Variants in PSKH1 observed in about 807,000 individuals in gnomAD.
PSKH1 encodes the protein protein serine kinase H1, also known as serine/threonine-protein kinase H1.
A neutral mutation model predicts 26.7 loss-of-function variants in PSKH1; 12 were observed. That is an observed-to-expected ratio of 0.45 (90% CI 0.29 to 0.73). PSKH1 has a LOEUF of 0.73. PSKH1 is among the 30% of genes least tolerant of loss of function. PSKH1 has a pLI of 0.11. For missense variants in PSKH1, 431 were observed against 595.2 expected, an observed-to-expected ratio of 0.72 and a Z score of 2.87; for synonymous variants, 213 against 234.3, an observed-to-expected ratio of 0.91 and a Z score of 0.83.
intron 1 of PSKH1, among the ~76,000 whole-genome samples, chr16:67,894,725 A>G (rs2058121192): frequency 6.6e-6 from 1 of 152,178 alleles, no homozygotes; most frequent in African/African-American, 2.4e-5. Flanking sequence ...CTCCAGTAGC[A>G]TTTGCTGAAT....
At chr16:67,896,264 A>G (rs2058126178) in intron 1 of PSKH1, among the ~76,000 whole-genome samples, 1 of 151,788 alleles carries the variant, frequency 6.6e-6, no homozygotes. Context: ...GCCTGCCACC[A>G]CACCTGGCTA....
chr16:67,920,511 G>A (rs1480943820), intron 2 of PSKH1, among the ~76,000 whole-genome samples: 6 of 152,018 alleles, frequency 3.9e-5, no homozygotes, highest in African/African-American at 1.5e-4. Context: ...CTCCTGCCTC[G>A]GCCTCCCAAA....
At chr16:67,924,120 G>A (rs1410578251) in intron 2 of PSKH1, among the ~76,000 whole-genome samples, 1 of 152,192 alleles carries the variant, frequency 6.6e-6, no homozygotes, top group East Asian at 1.9e-4. Context: ...ACTTTCCTCT[G>A]TGTACAAGGG....
Position 67,929,492 on chromosome 16 carries a change from C to T in PSKH1, c.*1850C>T, listed in dbSNP as rs980753636. The T allele has an allele frequency of 1.6e-4, 26 of 165,196 alleles. No individual in the cohort carries two copies. The highest frequency in any genetic ancestry group is 2.3e-4 in the Admixed American group (4 of 17,706). 10.2% of individuals were successfully genotyped at this position (165,196 alleles called of 1,614,324 possible). On this transcript the variant is annotated 3_prime_UTR_variant, in exon 3 of 3. Transcript: ENST00000291041. ...ACGTTCTCTCTTGCCCAGGGTGGGC[C>T]TGGTCCTGAGGGCAGGACAGGGGGT...
At chr16:67,898,576 A>T (rs1459889900) in intron 1 of PSKH1, among the ~76,000 whole-genome samples, 1 of 151,612 alleles carries the variant, frequency 6.6e-6, no homozygotes, top group Non-Finnish European at 1.5e-5. Flanking sequence ...TTGAGAAATT[A>T]CTACCTACTT....
intron 1 of PSKH1, among the ~76,000 whole-genome samples, chr16:67,903,840 CTTTTTT>C (rs1241734475): frequency 2.4e-5 from 3 of 125,366 alleles, no homozygotes; most frequent in Non-Finnish European, 5.1e-5. Flanking sequence ...GCACTACACT[CTTTTTT>C]TTTTTTTTTT....
chr16:67,915,068 G>A (rs929204468), intron 2 of PSKH1, among the ~76,000 whole-genome samples: 3 of 152,162 alleles, frequency 2.0e-5, no homozygotes, highest in Non-Finnish European at 2.9e-5. Context: ...GGGGTGGGGA[G>A]TGGGTTCCTG....
At chr16:67,912,889 A>AG (rs1193747348) in intron 2 of PSKH1, among the ~76,000 whole-genome samples, 3 of 152,026 alleles carry the variant, frequency 2.0e-5, no homozygotes, top group Non-Finnish European at 4.4e-5. Context: ...ACAAAAAAAA[A>AG]GAAATCCTCT....
chr16:67,906,001 G>A (rs748164615), intron 1 of PSKH1, among the ~76,000 whole-genome samples: 2 of 151,750 alleles, frequency 1.3e-5, no homozygotes, highest in Non-Finnish European at 2.9e-5. Context: ...TGTGCCCCTG[G>A]TATCTACTAG....
intron 1 of PSKH1, among the ~76,000 whole-genome samples, chr16:67,894,167 C>G (rs2058119729): frequency 6.6e-6 from 1 of 152,136 alleles, no homozygotes; most frequent in African/African-American, 2.4e-5. Context: ...TTTAGTATTA[C>G]TAATTTTGAG....
chr16:67,926,288 C>G (rs991913420), intron 2 of PSKH1, among the ~76,000 whole-genome samples: 1 of 152,218 alleles, frequency 6.6e-6, no homozygotes, highest in Admixed American at 6.5e-5. Context: ...GGGCACCCAT[C>G]CGGCAGCACC....
chr16:67,898,910 T>G (rs1167843832), intron 1 of PSKH1, among the ~76,000 whole-genome samples: 1 of 152,178 alleles, frequency 6.6e-6, no homozygotes, highest in Non-Finnish European at 1.5e-5. Context: ...TGTGAGCCGC[T>G]GCGCCCAGCC....
chr16:67,920,710 A>G (rs2058199817), intron 2 of PSKH1, among the ~76,000 whole-genome samples: 1 of 152,206 alleles, frequency 6.6e-6, no homozygotes, highest in Non-Finnish European at 1.5e-5. Context: ...CACCTTCCCT[A>G]GTCAGTCCTC....
At chr16:67,896,884 C>T (rs929064929) in intron 1 of PSKH1, among the ~76,000 whole-genome samples, 5 of 152,144 alleles carry the variant, frequency 3.3e-5, no homozygotes, top group African/African-American at 7.2e-5. Context: ...TGCACTTCAC[C>T]TCAGGCATCT....
intron 2 of PSKH1, among the ~76,000 whole-genome samples, chr16:67,923,215 C>T (rs188933282): frequency 6.6e-6 from 1 of 152,254 alleles, no homozygotes; most frequent in Admixed American, 6.5e-5. Context: ...GAGGTGCTCA[C>T]GGAAGAGGTC....
At chr16:67,896,723 A>T (rs1324187485) in intron 1 of PSKH1, among the ~76,000 whole-genome samples, 1 of 151,794 alleles carries the variant, frequency 6.6e-6, no homozygotes, top group Admixed American at 6.6e-5. Context: ...CCTAGAAGAG[A>T]TTTGGAATGC....
At position 67,910,276 on chromosome 16, in the gene PSKH1, C is replaced by T. The variant is rs1464239935; in HGVS notation, c.957+570C>T. On this transcript the variant is annotated intron_variant, in intron 2 of 2. Coordinates refer to ENST00000291041, the MANE Select transcript of PSKH1 (RefSeq NM_006742.3). ...GGCGGTGGGAAGCTGTTGCCAGGCA[C>T]CAAGCAGTGTGCCACAGCTGCAGAT... 2.0e-5 allele frequency among the ~76,000 whole-genome samples: 3 copies of T among 152,030 alleles called. No individual in the cohort carries two copies. The East Asian group carries it at 5.8e-4, about 29-fold the overall frequency.
At chr16:67,913,588 G>C (rs544395075) in intron 2 of PSKH1, among the ~76,000 whole-genome samples, 1 of 152,178 alleles carries the variant, frequency 6.6e-6, no homozygotes, top group Non-Finnish European at 1.5e-5. Flanking sequence ...GTCTAGCTGT[G>C]AAGTGAGTGG....
chr16:67,896,509 C>CG (rs993249238), intron 1 of PSKH1, among the ~76,000 whole-genome samples: 2 of 146,020 alleles, frequency 1.4e-5, no homozygotes, highest in African/African-American at 5.1e-5. Context: ...TTCTGGTCAT[C>CG]GGGGAAAACT....
Sources: allele counts gnomAD v4.1 joint callset (sites outside exome capture counted in the v4.1 genomes callset), GRCh38; gene constraint gnomAD v4.1.1; transcripts MANE v1.5; gene names NCBI Gene and HGNC (gene_info 2026-07-23, HGNC 2026-07-21).